The following MALRD1 variants were observed in gnomAD, a reference collection of about 807,000 sequenced individuals.
MALRD1 encodes the protein MAM and LDL-receptor class A domain-containing protein 1.
A neutral mutation model predicts 242.1 loss-of-function variants in MALRD1; 247 were observed. That is an observed-to-expected ratio of 1.02 (90% CI 0.92 to 1.13). The LOEUF is 1.13. Among genes scored for constraint, MALRD1 ranks in the 50% most tolerant of loss-of-function variants. The pLI is 0.00. For missense variants in MALRD1, 2,989 were observed against 2,533.1 expected (o/e 1.18, Z -3.86); for synonymous variants, 995 against 866.6 (o/e 1.15, Z -2.60).
intron 35 of MALRD1, 34 bp downstream of exon 35, chr10:19,607,936 T>C: frequency 6.5e-7 from 1 of 1,545,956 alleles, no homozygotes. Context: ...TCTTGTGATA[T>C]GAACCAGCAA....
chr10:19,266,416 A>T (rs1839977872), intron 19 of MALRD1, among the ~76,000 whole-genome samples: 1 of 151,958 alleles, frequency 6.6e-6, no homozygotes, highest in African/African-American at 2.4e-5. Flanking sequence ...CATAAGGCTT[A>T]TAAAAACCAG....
intron 13 of MALRD1, among the ~76,000 whole-genome samples, chr10:19,171,569 C>T (rs867436895): frequency 7.1e-6 from 1 of 140,268 alleles, no homozygotes; most frequent in Admixed American, 7.1e-5. Context: ...TAAATACACA[C>T]ACACATATAT....
intron 31 of MALRD1, among the ~76,000 whole-genome samples, chr10:19,519,161 A>G (rs1833770522): frequency 6.6e-6 from 1 of 152,090 alleles, no homozygotes; most frequent in African/African-American, 2.4e-5. Context: ...ATCAGTATAT[A>G]CTTATTCTAA....
chr10:19,586,339 T>C (rs942489927), intron 33 of MALRD1, among the ~76,000 whole-genome samples: 1 of 152,222 alleles, frequency 6.6e-6, no homozygotes, highest in African/African-American at 2.4e-5. Context: ...GCTCTGTTTT[T>C]TCCCCATTTT....
chr10:19,240,688 T>C (rs867101420), intron 18 of MALRD1, among the ~76,000 whole-genome samples: 2 of 152,094 alleles, frequency 1.3e-5, no homozygotes, highest in Middle Eastern at 3.2e-3. Flanking sequence ...ATAAATAAGA[T>C]GTTAGCTGTG....
At chr10:19,669,125 ATCT>A (rs1841805548) in intron 36 of MALRD1, among the ~76,000 whole-genome samples, 1 of 152,254 alleles carries the variant, frequency 6.6e-6, no homozygotes, top group African/African-American at 2.4e-5. Context: ...TACTGGAGTG[ATCT>A]TCTTAGAAAC....
intron 29 of MALRD1, among the ~76,000 whole-genome samples, chr10:19,456,196 C>A (rs931270205): frequency 3.3e-5 from 5 of 152,132 alleles, no homozygotes; most frequent in East Asian, 1.9e-4. Context: ...AACACTCACA[C>A]CCCCCGAATA....
At chr10:19,443,054 T>G (rs907612748) in intron 28 of MALRD1, among the ~76,000 whole-genome samples, 40 of 152,224 alleles carry the variant, frequency 2.6e-4, no homozygotes, top group African/African-American at 9.4e-4. Context: ...TGGGAGAGTG[T>G]ATGTGTCGAG....
At chr10:19,587,055 G>A (rs1037354108) in intron 33 of MALRD1, among the ~76,000 whole-genome samples, 2 of 152,174 alleles carry the variant, frequency 1.3e-5, no homozygotes, top group Non-Finnish European at 1.5e-5. Flanking sequence ...TGCTCTTCCC[G>A]AGTGAGGCAA....
chr10:19,288,945 C>A (rs775624521), intron 21 of MALRD1, among the ~76,000 whole-genome samples: 1 of 152,062 alleles, frequency 6.6e-6, no homozygotes, highest in Non-Finnish European at 1.5e-5. Flanking sequence ...CAGTTATTTT[C>A]TTCAGGCTGA....
At chr10:19,210,910 G>A (rs963742027) in intron 18 of MALRD1, among the ~76,000 whole-genome samples, 4 of 152,154 alleles carry the variant, frequency 2.6e-5, no homozygotes, top group Non-Finnish European at 4.4e-5. Flanking sequence ...ACAGTGTAAA[G>A]TATGTGTAAG....
intron 29 of MALRD1, among the ~76,000 whole-genome samples, chr10:19,476,979 G>C (rs1354764277): frequency 6.6e-6 from 1 of 151,864 alleles, no homozygotes; most frequent in African/African-American, 2.4e-5. Flanking sequence ...ATTTTTTCCA[G>C]GTATTCCAAC....
intron 36 of MALRD1, among the ~76,000 whole-genome samples, chr10:19,687,981 A>AT (rs1284626115): frequency 7.0e-6 from 1 of 143,556 alleles, no homozygotes; most frequent in Non-Finnish European, 1.5e-5. Context: ...ATGTTATGTT[A>AT]TTTTTGGAGA....
intron 28 of MALRD1, among the ~76,000 whole-genome samples, chr10:19,427,859 G>A (rs1201030495): frequency 1.3e-5 from 2 of 152,090 alleles, no homozygotes; most frequent in East Asian, 3.9e-4. Context: ...ATGCATCTTT[G>A]ATAGAGGAAC....
rs963281026 is a variant in MALRD1, at chr10:19,087,912, C to T, written c.413C>T (p.Thr138Ile). Reference sequence around the variant, plus strand: ...TTAAGAAGCAGAGTTTTCCTTCCAACAAATGATCAACATGACTGCCAGGTA... The same window carrying T: ...TTAAGAAGCAGAGTTTTCCTTCCAATAAATGATCAACATGACTGCCAGGTA... The part of the protein sequence containing the change: ...SSLRSRVFLP[T>I]NDQHDCQITF... The change falls in exon 3 of 40, where the codon ACA becomes ATA. Residue 138 changes from threonine to isoleucine, a missense_variant. By Grantham distance (89) the Thr-to-Ile change is moderately conservative (BLOSUM62 -1). Transcript: ENST00000454679. 1.6e-6 allele frequency: 2 copies of T among 1,232,540 alleles called. No individual in the cohort carries two copies. The highest frequency in any genetic ancestry group is 3.2e-5 in the East Asian group (1 of 31,648). The allele number at this position is 1,232,540 out of a possible 1,614,324, so 76.4% of individuals were successfully genotyped here. A position where few individuals can be genotyped will look rare whatever the true frequency, so the allele number is the denominator to read the frequency against.
chr10:19,660,721 C>A (rs903238568), intron 36 of MALRD1, among the ~76,000 whole-genome samples: 3 of 152,104 alleles, frequency 2.0e-5, no homozygotes, highest in Non-Finnish European at 4.4e-5. Flanking sequence ...ATACCAGTGG[C>A]GTTAATTCTA....
intron 33 of MALRD1, among the ~76,000 whole-genome samples, chr10:19,570,308 T>G (rs1836464254): frequency 6.6e-6 from 1 of 152,054 alleles, no homozygotes; most frequent in Non-Finnish European, 1.5e-5. Flanking sequence ...TATACAGATA[T>G]CCACAGCAAT....
chr10:19,719,223 CATATATATATATATATATAT>C (rs368394538), intron 38 of MALRD1, among the ~76,000 whole-genome samples: 38 of 76,432 alleles, frequency 5.0e-4, no homozygotes, highest in African/African-American at 1.9e-3. Context: ...CACATACATA[CATATATATATATATATATAT>C]ATATATATAT....
At chr10:19,370,888 T>A (rs1368684462) in intron 26 of MALRD1, among the ~76,000 whole-genome samples, 1 of 152,034 alleles carries the variant, frequency 6.6e-6, no homozygotes, top group Non-Finnish European at 1.5e-5. Flanking sequence ...ACATATTAGT[T>A]TTAATAGTCA....
Sources: allele counts gnomAD v4.1 joint callset (sites outside exome capture counted in the v4.1 genomes callset), GRCh38; gene constraint gnomAD v4.1.1; transcripts MANE v1.5; gene names NCBI Gene and HGNC (gene_info 2026-07-23, HGNC 2026-07-21).